Variants in UBR2 observed in about 807,000 individuals in gnomAD.
UBR2 encodes the protein E3 ubiquitin-protein ligase UBR2.
Under a neutral mutation model 247.9 loss-of-function variants are expected in UBR2, and 92 were observed. That is an observed-to-expected ratio of 0.37 (90% CI 0.31 to 0.44). The LOEUF (loss-of-function observed/expected upper bound fraction) is 0.44, where lower values mean the gene tolerates loss of function less well. Ranked by LOEUF, UBR2 falls within the 20% of genes least tolerant of loss-of-function variation. The pLI is 1.00. For missense variants in UBR2, 1,613 were observed against 2,112.6 expected (o/e 0.76, Z 4.64); for synonymous variants, 672 against 693.5 (o/e 0.97, Z 0.49).
chr6:42,599,070 A>G (rs1053710430), intron 4 of UBR2, among the ~76,000 whole-genome samples: 43 of 152,154 alleles, frequency 2.8e-4, no homozygotes, highest in Non-Finnish European at 1.2e-4. Flanking sequence ...ATGTAGATGT[A>G]TTCTTAAGTT....
At chr6:42,665,201 A>C (rs1798036710) in intron 32 of UBR2, among the ~76,000 whole-genome samples, 1 of 152,184 alleles carries the variant, frequency 6.6e-6, no homozygotes, top group Admixed American at 6.5e-5. Context: ...TTTTTAATAC[A>C]CAGTGTTATT....
chr6:42,631,652 G>A (rs1210992573), intron 11 of UBR2, among the ~76,000 whole-genome samples: 1 of 151,604 alleles, frequency 6.6e-6, no homozygotes, highest in South Asian at 2.1e-4. Context: ...TGATACAAAA[G>A]TAGACCTGGT....
intron 25 of UBR2, among the ~76,000 whole-genome samples, chr6:42,655,166 C>A (rs1178041194): frequency 6.6e-6 from 1 of 152,110 alleles, no homozygotes; most frequent in Non-Finnish European, 1.5e-5. Context: ...AAACCTCAGT[C>A]TTTTCATTTA....
At chr6:42,629,038 TAG>T (rs1265601264) in intron 11 of UBR2, among the ~76,000 whole-genome samples, 3 of 152,040 alleles carry the variant, frequency 2.0e-5, no homozygotes, top group South Asian at 2.1e-4. Flanking sequence ...TGTTTTGAGA[TAG>T]AGTTTCGCTC....
chr6:42,574,153 A>G (rs1400116547), intron 2 of UBR2, among the ~76,000 whole-genome samples, 160 bp downstream of exon 2: 1 of 152,190 alleles, frequency 6.6e-6, no homozygotes, highest in African/African-American at 2.4e-5. Flanking sequence ...TAAAGCAAAC[A>G]TTTTTGTAAT....
At chr6:42,675,830 G>A (rs142398537) in intron 38 of UBR2, among the ~76,000 whole-genome samples, 2 of 152,070 alleles carry the variant, frequency 1.3e-5, no homozygotes, top group Non-Finnish European at 2.9e-5. Context: ...GATGTTGCAC[G>A]CCTGTAATCC....
At chr6:42,612,125 A>G (rs748511102) in intron 7 of UBR2, 46 bp from the exon 8 acceptor site, 2 of 1,464,740 alleles carry the variant, frequency 1.4e-6, no homozygotes, top group Non-Finnish European at 1.8e-6. Flanking sequence ...CTGCCAATAG[A>G]ATAGCTTTTT....
chr6:42,661,519 C>G (rs913784774), intron 30 of UBR2, among the ~76,000 whole-genome samples: 4 of 152,170 alleles, frequency 2.6e-5, no homozygotes, highest in African/African-American at 4.8e-5. Context: ...GAAGATTATA[C>G]TAATTTATAT....
chr6:42,597,776 C>T (rs948740618), intron 4 of UBR2, among the ~76,000 whole-genome samples: 61 of 151,872 alleles, frequency 4.0e-4, no homozygotes, highest in Middle Eastern at 3.4e-3. Context: ...ATTAGCCGGG[C>T]GTGGTGGCAC....
At chr6:42,632,070 ATATATAT>A (rs1340894861) in intron 11 of UBR2, among the ~76,000 whole-genome samples, 4 of 101,986 alleles carry the variant, frequency 3.9e-5, no homozygotes, top group Admixed American at 1.9e-4. Flanking sequence ...AAAAAAAAAA[ATATATAT>A]ATATATATAT....
intron 1 of UBR2, 124 bp from the exon 2 acceptor site, chr6:42,573,609 GT>G: frequency 8.8e-7 from 1 of 1,135,388 alleles, no homozygotes; most frequent in Non-Finnish European, 1.2e-6. Context: ...GGTGGTGAGT[GT>G]TGTAAACAAA....
intron 34 of UBR2, among the ~76,000 whole-genome samples, chr6:42,668,744 A>C (rs2151981051): frequency 6.6e-6 from 1 of 150,762 alleles, no homozygotes; most frequent in East Asian, 2.0e-4. Flanking sequence ...ACTCAGCCTC[A>C]TTTTTTTTAA....
In UBR2 at chr6:42,658,185, A is replaced by T. The variant is rs749196661; in HGVS notation, c.2982+52A>T. On this transcript the variant is annotated intron_variant, in intron 27 of 46. Coordinates refer to ENST00000372901, the MANE Select transcript of UBR2 (RefSeq NM_001363705.2). ...TTGTGAGAAATATTGAATATTTGTT[A>T]TGTGTACATTGTGATCATATTTCAT... is the stretch of plus-strand genomic sequence containing the variant. 3.6e-5 allele frequency: 58 copies of T among 1,609,790 alleles called. No individual in the cohort carries two copies. The East Asian group carries it at 4.9e-4, about 14-fold the overall frequency.
intron 44 of UBR2, among the ~76,000 whole-genome samples, chr6:42,686,132 G>T (rs529287438): frequency 2.0e-5 from 3 of 151,646 alleles, no homozygotes; most frequent in African/African-American, 7.3e-5. Context: ...CGGAGGGGGG[G>T]ATTTGGCAGG....
chr6:42,600,537 T>G (rs1793291779), intron 4 of UBR2, among the ~76,000 whole-genome samples: 1 of 149,354 alleles, frequency 6.7e-6, no homozygotes, highest in Admixed American at 6.8e-5. Context: ...TTCTTTATGA[T>G]GAGTGACACA....
chr6:42,648,893 T>G (rs974809091), intron 22 of UBR2, among the ~76,000 whole-genome samples: 9 of 152,218 alleles, frequency 5.9e-5, no homozygotes, highest in Non-Finnish European at 8.8e-5. Context: ...TTCTATAACC[T>G]TTTTAAAAAT....
rs146847025 is a variant in UBR2 at position 42,615,083 on chromosome 6, G to T, written c.998G>T (p.Arg333Leu). ...SIIGYSDGLR[R>L]ILCQVGLQEG... Reference sequence around the variant, plus strand: ...CTTCTATTTAAAGATGGCCTTCGCCGGATTTTATGTCAAGTTGGTTTACAA... The same window carrying T: ...CTTCTATTTAAAGATGGCCTTCGCCTGATTTTATGTCAAGTTGGTTTACAA... The change falls in exon 9 of 47, where the codon CGG becomes CTG. Residue 333 changes from arginine (R) to leucine (L), a missense_variant. Coordinates refer to ENST00000372901, the MANE Select transcript of UBR2 (RefSeq NM_001363705.2). 5 of 1,612,410 alleles carry T rather than the reference G, an allele frequency of 3.1e-6. No individual in the cohort carries two copies. In the East Asian group the frequency reaches 1.1e-4, roughly 36 times the overall value.
intron 30 of UBR2, 34 bp from the exon 31 acceptor site, chr6:42,662,150 C>CTTTTG (rs528521899): frequency 1.2e-4 from 163 of 1,353,282 alleles, no homozygotes; most frequent in African/African-American, 3.8e-4. Context: ...AAATGCTTCA[C>CTTTTG]TTTTGTTTTG....
At position 42,659,628 on chromosome 6, in the gene UBR2, AATTAT is replaced by A. The variant is rs1462419495; in HGVS notation, c.3243-24_3243-20del. The A allele has an allele frequency of 1.3e-6, 2 of 1,599,254 alleles. No homozygotes were observed. Among genetic ancestry groups the A allele is most frequent in the Admixed American group, 3.4e-5 (2 of 58,210 alleles). On this transcript the variant is annotated intron_variant, in intron 29 of 46. Coordinates refer to ENST00000372901, the MANE Select transcript of UBR2 (RefSeq NM_001363705.2). This position sits in a 1 kb window ranked among gnomAD's most constrained non-coding sequence, Gnocchi z 4.3. ...TTATATAGAAAGTTTTGGGATCATT[AATTAT>A]ATTCATAACCTTTGTATTGCAGCCC...
Sources: allele counts gnomAD v4.1 joint callset (sites outside exome capture counted in the v4.1 genomes callset), GRCh38; gene constraint gnomAD v4.1.1; non-coding constraint Gnocchi (gnomAD v3.1); transcripts MANE v1.5; gene names NCBI Gene and HGNC (gene_info 2026-07-23, HGNC 2026-07-21).